Variants in ECH1 observed in about 807,000 individuals in gnomAD.
The protein encoded by ECH1 is enoyl-CoA hydratase 1.
Under a neutral mutation model 37.0 loss-of-function variants are expected in ECH1, and 30 were observed. That is an observed-to-expected ratio of 0.81 (90% confidence interval 0.61 to 1.10). The LOEUF is 1.10. Among genes scored for constraint, ECH1 ranks in the 50% least tolerant of loss-of-function variants. The pLI is 0.00. For missense variants in ECH1, 456 were observed against 441.6 expected, an observed-to-expected ratio of 1.03 and a Z score of -0.29; for synonymous variants, 178 against 176.0, an observed-to-expected ratio of 1.01 and a Z score of -0.09.
intron 3 of ECH1, chr19:38,818,501 T>A (rs1047831698): frequency 1.7e-5 from 10 of 605,194 alleles, no homozygotes; most frequent in African/African-American, 1.4e-4. Flanking sequence ...TTATTTTTTT[T>A]ATTTCAGACA....
chr19:38,831,696 C>A, intron 1 of ECH1, 25 bp downstream of exon 1: 2 of 1,613,592 alleles, frequency 1.2e-6, no homozygotes, highest in Non-Finnish European at 1.7e-6. Flanking sequence ...CGCGACGCAC[C>A]CCCATAAGGC....
At chr19:38,817,655 C>T in intron 3 of ECH1, 80 bp from the exon 4 acceptor site, 3 of 1,479,368 alleles carry the variant, frequency 2.0e-6, no homozygotes, top group Non-Finnish European at 2.7e-6. Context: ...AACCCAGGCA[C>T]AGCAGGTTCG....
rs1971819700 is a variant in ECH1, at chr19:38,831,349, G to A, written c.220C>T (p.Arg74Trp). The change falls in exon 2 of 10, where the codon CGG (arginine) becomes TGG (tryptophan). Residue 74 changes from arginine (R) to tryptophan (W), a missense_variant. Transcript: ENST00000221418. ...TTCATGGCATTCCTCTTGTTGGGCC[G>A]GTTGAGCTGGACATGCAGAACATGT... Reference protein sequence around the residue: ...QKHVLHVQLNRPNKRNAMNKV... With the variant: ...QKHVLHVQLNWPNKRNAMNKV... The A allele has an allele frequency of 3.1e-6, 5 of 1,613,526 alleles. No homozygotes were observed. The highest frequency in any genetic ancestry group is 4.2e-6 in the Non-Finnish European group (5 of 1,179,602).
intron 3 of ECH1, among the ~76,000 whole-genome samples, chr19:38,819,577 C>T (rs1323262127): frequency 6.6e-6 from 1 of 152,068 alleles, no homozygotes; most frequent in Non-Finnish European, 1.5e-5. Context: ...GCCTGGCGCA[C>T]ACGAGCTGCT....
At chr19:38,819,009 G>GCA (rs1971623383) in intron 3 of ECH1, 2 of 437,086 alleles carry the variant, frequency 4.6e-6, no homozygotes, top group Non-Finnish European at 2.8e-6. Context: ...GTGTGTGTGT[G>GCA]CGGGCACGTG....
At position 38,831,441 on chromosome 19, in the gene ECH1, G is replaced by A; in HGVS notation, c.128C>T (p.Ser43Phe). ...LTGSSAQEEA[S>F]GVALGEAPDH... ...TGGGGCTTCACCGAGGGCTACTCCG[G>A]AAGCCTCCTCTTGTGCAGAGGAGCC... Residue 43 changes from serine (S) to phenylalanine (F), a missense_variant, in exon 2 of 10, where the codon TCC becomes TTC. By Grantham distance (155) the Ser-to-Phe change is radical. Coordinates refer to ENST00000221418, the MANE Select transcript of ECH1 (RefSeq NM_001398.3). 3 of 1,614,130 alleles carry A rather than the reference G, an allele frequency of 1.9e-6. No individual in the cohort carries two copies. In the South Asian group the frequency reaches 3.3e-5, roughly 18 times the overall value.
chr19:38,821,687 G>A (rs1402555657), intron 3 of ECH1, among the ~76,000 whole-genome samples: 2 of 152,220 alleles, frequency 1.3e-5, no homozygotes, highest in South Asian at 2.1e-4. Context: ...GTGCCGGCCC[G>A]CTGGTGCTGC....
intron 3 of ECH1, among the ~76,000 whole-genome samples, chr19:38,829,801 G>C (rs1257788205): frequency 1.3e-5 from 2 of 151,158 alleles, no homozygotes; most frequent in East Asian, 3.9e-4. Flanking sequence ...GGGTGACAGA[G>C]CGACTCTGTC....
chr19:38,831,698 C>A, intron 1 of ECH1, 23 bp downstream of exon 1: 1 of 1,613,636 alleles, frequency 6.2e-7, no homozygotes, highest in South Asian at 1.1e-5. Context: ...CGACGCACCC[C>A]CATAAGGCAA....
At chr19:38,819,058 A>G (rs1206008945) in intron 3 of ECH1, 1 of 967,482 alleles carries the variant, frequency 1.0e-6, no homozygotes, top group Non-Finnish European at 1.2e-6. Context: ...GTCAGCTATG[A>G]TCGCACCACT....
chr19:38,816,451 A>C lies in ECH1; in HGVS notation c.659+2T>G, dbSNP rs2145369004. 1 of 1,613,764 alleles carries C rather than the reference A, an allele frequency of 6.2e-7. No individual in the cohort carries two copies. The highest frequency in any genetic ancestry group is 8.5e-7 in the Non-Finnish European group (1 of 1,179,906). ...CCACACCCCCACACCCCCTGCACCCACCTCTGGTTCCCGATGACCTTGGGC... is the reference window on the plus strand; with the variant it reads ...CCACACCCCCACACCCCCTGCACCCCCCTCTGGTTCCCGATGACCTTGGGC... On this transcript the variant is annotated splice_donor_variant, in intron 7 of 9. Coordinates refer to ENST00000221418, the MANE Select transcript of ECH1 (RefSeq NM_001398.3). LOFTEE classifies it high-confidence loss of function.
chr19:38,826,715 C>A (rs766981645), intron 3 of ECH1, among the ~76,000 whole-genome samples: 4 of 152,226 alleles, frequency 2.6e-5, no homozygotes, highest in African/African-American at 4.8e-5. Flanking sequence ...ACAGACCACA[C>A]GTCCCAAATT....
chr19:38,823,932 C>G (rs1215935349), intron 3 of ECH1, among the ~76,000 whole-genome samples: 1 of 152,138 alleles, frequency 6.6e-6, no homozygotes, highest in Non-Finnish European at 1.5e-5. Flanking sequence ...GGCACCCAGG[C>G]TCACCAATCA....
In ECH1 at chr19:38,817,306, G is replaced by A. The variant is rs764059694; in HGVS notation, c.523+10C>T. On this transcript the variant is annotated intron_variant, in intron 5 of 9. Transcript: ENST00000221418. ...GGAGCACCCGAGCAGGAGGATAGCC[G>A]CAGACTCACCTCCGCCAATGCAGCC... 5.2e-6 allele frequency: 8 copies of A among 1,546,258 alleles called. No individual in the cohort carries two copies. The highest frequency in any genetic ancestry group is 2.4e-5 in the South Asian group (2 of 83,344).
At chr19:38,819,311 AGACT>A in intron 3 of ECH1, 2 of 768,402 alleles carry the variant, frequency 2.6e-6, no homozygotes, top group Non-Finnish European at 3.2e-6. Context: ...CAACAGCCAC[AGACT>A]GACTCCTTCA....
At position 38,817,593 on chromosome 19, in the gene ECH1, T is replaced by C. The variant is rs1971599611; in HGVS notation, c.350-18A>G. On this transcript the variant is annotated intron_variant, in intron 3 of 9. Transcript: ENST00000221418. ...GTCAATACCTGGTGAGAAGGCATGA[T>C]GGAGCTCATCCAGGCTCCCAGGCCC... The C allele has an allele frequency of 2.5e-6, 4 of 1,579,084 alleles. No homozygotes were observed. Among genetic ancestry groups the C allele is most frequent in the East Asian group, 2.3e-5 (1 of 43,978 alleles).
At position 38,831,726 on chromosome 19, in the gene ECH1, G is replaced by C; in HGVS notation, c.47C>G (p.Thr16Ser). The change falls in exon 1 of 10, where the codon ACC becomes AGC. Residue 16 changes from threonine to serine, a missense_variant. Transcript: ENST00000221418. Reference protein sequence around the residue: ...VASRRLRDLLTRRLTGSNYPG... With the variant: ...VASRRLRDLLSRRLTGSNYPG... ...TAAGGCAAGAGGTGACTCACGCCGG[G>C]TCAGTAGGTCGCGGAGTCTGCGAGA... 1 of 1,613,760 alleles carries C rather than the reference G, an allele frequency of 6.2e-7. No homozygotes were observed. The highest frequency in any genetic ancestry group is 8.5e-7 in the Non-Finnish European group (1 of 1,179,936).
At position 38,831,717 on chromosome 19, in the gene ECH1, TCA is replaced by T. The variant is rs773792171; in HGVS notation, c.52+2_52+3del. The stretch of plus-strand genomic sequence containing the variant: ...GCACCCCCATAAGGCAAGAGGTGAC[TCA>T]CGCCGGGTCAGTAGGTCGCGGAGTC... On this transcript the variant is annotated splice_donor_variant and splice_donor_region_variant and intron_variant, in intron 1 of 9. Transcript: ENST00000221418. LOFTEE classifies it high-confidence loss of function. The T allele has an allele frequency of 9.9e-6, 16 of 1,613,610 alleles. No individual in the cohort carries two copies. The highest frequency in any genetic ancestry group is 1.3e-5 in the Non-Finnish European group (15 of 1,179,936).
intron 3 of ECH1, among the ~76,000 whole-genome samples, chr19:38,827,391 C>CA (rs1971755132): frequency 6.6e-6 from 1 of 152,086 alleles, no homozygotes; most frequent in Admixed American, 6.5e-5. Flanking sequence ...GGACAAGAAA[C>CA]AAACAATTAT....
Sources: gnomAD v4.1 joint callset for allele counts (sites outside exome capture counted in the v4.1 genomes callset) on GRCh38, gnomAD v4.1.1 for gene constraint, MANE v1.5 for transcripts, NCBI Gene and HGNC (gene_info 2026-07-23, HGNC 2026-07-21) for gene names.